IGLON5: variants seen among roughly 807,000 people sequenced by gnomAD.
IGLON5 encodes Ig-like domain-containing protein ENSP00000270642.
Under a neutral mutation model 38.2 loss-of-function variants are expected in IGLON5, and 16 were observed. The observed-to-expected ratio is 0.42, with a 90% CI of 0.28 to 0.64. The LOEUF is 0.64. Ranked by LOEUF, IGLON5 falls within the 30% of genes least tolerant of loss-of-function variation. The pLI is 0.23. For synonymous variants in IGLON5, 207 were observed against 216.4 expected (o/e 0.96, Z 0.38); for missense variants, 366 against 483.4 (o/e 0.76, Z 2.28).
In IGLON5 at chr19:51,329,780, C is replaced by G. The variant is rs1009929820; in HGVS notation, c.*1021C>G. The G allele has an allele frequency of 2.6e-5, 4 of 152,528 alleles. No homozygotes were observed. The highest frequency in any genetic ancestry group is 5.8e-5 in the Non-Finnish European group (4 of 68,442). 9.4% of individuals were successfully genotyped at this position (152,528 alleles called of 1,614,324 possible). ...CTGTACCTCCCAAAGGCTACCTGAC[C>G]GCCCTCACAGACACTCAGACGCACC... On this transcript the variant is annotated 3_prime_UTR_variant, in exon 8 of 8. Transcript: ENST00000270642. This position sits in a 1 kb window ranked among gnomAD's most constrained non-coding sequence, Gnocchi z 4.3.
chr19:51,323,941 G>C (rs1216634544), intron 3 of IGLON5, 47 bp downstream of exon 3: 1 of 1,340,476 alleles, frequency 7.5e-7, no homozygotes, highest in Non-Finnish European at 1.0e-6. Flanking sequence ...TTGAGAGCGT[G>C]GGGGAGACTA....
At position 51,313,645 on chromosome 19, in the gene IGLON5, CTTTT is replaced by C. The variant is rs879318463; in HGVS notation, c.79+1721_79+1724del. Among the ~76,000 whole-genome samples the C allele has an allele frequency of 8.4e-3, 551 of 65,868 alleles. 5 individuals carry two copies. Among genetic ancestry groups the C allele is most frequent in the African/African-American group, 0.013 (64 of 4,964 alleles). 43.2% of individuals were successfully genotyped at this position (65,868 alleles called of 152,430 possible). On this transcript the variant is annotated intron_variant, in intron 1 of 7. Coordinates refer to ENST00000270642, the MANE Select transcript of IGLON5 (RefSeq NM_001101372.3). ...TCTTTCTCTTTTTCTCTCTCTCTCT[CTTTT>C]TCTTTCTTTCTTTCTTTCTTTCTTT...
intron 1 of IGLON5, among the ~76,000 whole-genome samples, chr19:51,320,100 C>T (rs1374020354): frequency 6.6e-6 from 1 of 152,154 alleles, no homozygotes; most frequent in Non-Finnish European, 1.5e-5. Context: ...TCTCCTGTTG[C>T]TCCCAGGGCT....
chr19:51,320,061 G>A (rs914870472), intron 1 of IGLON5, among the ~76,000 whole-genome samples: 11 of 152,042 alleles, frequency 7.2e-5, no homozygotes, highest in Non-Finnish European at 1.2e-4. Flanking sequence ...GCGCGTGCAC[G>A]CGTGCATCCA....
chr19:51,322,097 C>T lies in IGLON5; in HGVS notation c.113C>T (p.Pro38Leu), dbSNP rs867277204. The change falls in exon 2 of 8, where the codon CCT becomes CTT. Residue 38 changes from proline (P) to leucine (L), a missense_variant. Coordinates refer to ENST00000270642, the MANE Select transcript of IGLON5 (RefSeq NM_001101372.3). ...TCCCAGAGCCTGGAGTTCAACTCTC[C>T]TGCCGACAACTACACAGTGTGTGAA... Reference protein sequence around the residue: ...LLSQSLEFNSPADNYTVCEGD... With the variant: ...LLSQSLEFNSLADNYTVCEGD... 1 of 1,613,450 alleles carries T rather than the reference C, an allele frequency of 6.2e-7. No individual in the cohort carries two copies. The highest frequency in any genetic ancestry group is 1.3e-5 in the African/African-American group (1 of 75,064).
In IGLON5 at chr19:51,327,113, G is replaced by A. The variant is rs1260202711; in HGVS notation, c.680G>A (p.Arg227His). The change falls in exon 6 of 8, where the codon CGC (arginine) becomes CAC (histidine). Residue 227 changes from arginine (R) to histidine (H), a missense_variant. Arg to His is a conservative substitution (Grantham distance 29). Coordinates refer to ENST00000270642, the MANE Select transcript of IGLON5 (RefSeq NM_001101372.3). This position sits in a 1 kb window ranked among gnomAD's most constrained non-coding sequence, Gnocchi z 7.1. ...ACCATCACGGACGTGACCAGCGCCC[G>A]CACCGCGCTGGGCCGGGCCGCCCTC... ...PPTITDVTSA[R>H]TALGRAALLR... 3 of 1,610,752 alleles carry A rather than the reference G, an allele frequency of 1.9e-6. No individual in the cohort carries two copies. Among genetic ancestry groups the A allele is most frequent in the Non-Finnish European group, 2.5e-6 (3 of 1,178,898 alleles).
At chr19:51,312,813 A>G (rs10403524) in intron 1 of IGLON5, among the ~76,000 whole-genome samples, 92,878 of 151,934 alleles carry the variant, frequency 0.61, 30,136 homozygotes, top group African/African-American at 0.84. Flanking sequence ...CTGAGGTTAG[A>G]TAGCTGGACC....
chr19:51,327,980 C>G lies in IGLON5; in HGVS notation c.922+94C>G. The stretch of plus-strand genomic sequence containing the variant: ...CGCCGGGACCGCCCTTCAGGCTGGC[C>G]CTGAACTTAGGAGATGGACGCTGAG... On this transcript the variant is annotated intron_variant, in intron 7 of 7. Coordinates refer to ENST00000270642, the MANE Select transcript of IGLON5 (RefSeq NM_001101372.3). The surrounding 1 kb of genome is among the most constrained non-coding windows in gnomAD (Gnocchi z 7.1). 1 of 1,326,874 alleles carries G rather than the reference C, an allele frequency of 7.5e-7. No homozygotes were observed. Among genetic ancestry groups the G allele is most frequent in the Non-Finnish European group, 9.9e-7 (1 of 1,006,178 alleles). 82.2% of individuals were successfully genotyped at this position (1,326,874 alleles called of 1,614,324 possible). A position where few individuals can be genotyped will look rare whatever the true frequency, so the allele number is the denominator to read the frequency against.
chr19:51,319,397 G>A (rs1277406695), intron 1 of IGLON5, among the ~76,000 whole-genome samples: 3 of 151,998 alleles, frequency 2.0e-5, no homozygotes, highest in Admixed American at 6.6e-5. Context: ...TGGCCCCTTC[G>A]TGCTTGAGGG....
At chr19:51,319,632 A>G (rs1374167031) in intron 1 of IGLON5, among the ~76,000 whole-genome samples, 1 of 151,992 alleles carries the variant, frequency 6.6e-6, no homozygotes, top group Non-Finnish European at 1.5e-5. Context: ...ATGTCGATGG[A>G]ACCATGTGGG....
chr19:51,313,568 C>A (rs1984820893), intron 1 of IGLON5, among the ~76,000 whole-genome samples: 1 of 151,008 alleles, frequency 6.6e-6, no homozygotes, highest in African/African-American at 2.5e-5. Context: ...ACCTACCTTT[C>A]TCTTTTTTCT....
chr19:51,313,092 C>G (rs1984809487), intron 1 of IGLON5, among the ~76,000 whole-genome samples: 1 of 152,198 alleles, frequency 6.6e-6, no homozygotes, highest in Admixed American at 6.5e-5. Flanking sequence ...GCACAGAAAC[C>G]CCGTCACAGC....
chr19:51,323,659 C>A lies in IGLON5; in HGVS notation c.159-3C>A, dbSNP rs760867733. On this transcript the variant is annotated splice_region_variant and splice_polypyrimidine_tract_variant and intron_variant, in intron 2 of 7. Transcript: ENST00000270642. ...AAAACCTTCCCACTCATTCTCCCTG[C>A]AGCTGCTTCATCGACGAGCACGTGA... 4 of 1,605,692 alleles carry A rather than the reference C, an allele frequency of 2.5e-6. No homozygotes were observed. In the African/African-American group the frequency reaches 5.3e-5, roughly 21 times the overall value.
chr19:51,319,389 G>A (rs1325754078), intron 1 of IGLON5, among the ~76,000 whole-genome samples: 1 of 151,972 alleles, frequency 6.6e-6, no homozygotes, highest in Admixed American at 6.6e-5. Flanking sequence ...GCCCAGCGTG[G>A]CCCCTTCGTG....
In IGLON5 at chr19:51,325,399, A is replaced by G. The variant is rs2123532344; in HGVS notation, c.445A>G (p.Asn149Asp). ...SSPVTVNEGG[N>D]VNLLCLAVGR... ...GCCTGTGACGGTGAATGAGGGGGGC[A>G]ATGTGAACCTGCTTTGCCTGGCCGT... The change falls in exon 4 of 8, where the codon AAT (asparagine) becomes GAT (aspartate). Residue 149 changes from asparagine to aspartate, a missense_variant. By Grantham distance (23) the Asn-to-Asp change is conservative (BLOSUM62 1). Transcript: ENST00000270642. The surrounding 1 kb of genome is among the most constrained non-coding windows in gnomAD (Gnocchi z 5.5). 2 of 1,613,884 alleles carry G rather than the reference A, an allele frequency of 1.2e-6. No individual in the cohort carries two copies. The highest frequency in any genetic ancestry group is 2.2e-5 in the East Asian group (1 of 44,872).
chr19:51,315,720 G>C (rs1984902600), intron 1 of IGLON5, among the ~76,000 whole-genome samples: 1 of 109,332 alleles, frequency 9.1e-6, no homozygotes, highest in Non-Finnish European at 1.7e-5. Context: ...TTTTGAGACA[G>C]AGTCTTGCTC....
chr19:51,328,505 GAAA>G (rs61422289), intron 7 of IGLON5, among the ~76,000 whole-genome samples, 163 bp from the exon 8 acceptor site: 2,474 of 111,118 alleles, frequency 0.022, 78 homozygotes, highest in African/African-American at 0.069. Flanking sequence ...CTCAAAAAAA[GAAA>G]AAAAAAAAAA....
At chr19:51,314,815 G>C (rs1984875540) in intron 1 of IGLON5, among the ~76,000 whole-genome samples, 1 of 152,188 alleles carries the variant, frequency 6.6e-6, no homozygotes, top group Non-Finnish European at 1.5e-5. Context: ...GTCCGCCTCT[G>C]ATAAGGGCAA....
At chr19:51,328,002 T>A in intron 7 of IGLON5, 116 bp downstream of exon 7, 2 of 1,099,734 alleles carry the variant, frequency 1.8e-6, no homozygotes, top group Non-Finnish European at 2.5e-6. Context: ...AGATGGACGC[T>A]GAGACTGAAA....
Sources: gnomAD v4.1 joint callset for allele counts (sites outside exome capture counted in the v4.1 genomes callset) on GRCh38, gnomAD v4.1.1 for gene constraint, Gnocchi (gnomAD v3.1) non-coding constraint, MANE v1.5 for transcripts, NCBI Gene and HGNC (gene_info 2026-07-23, HGNC 2026-07-21) for gene names.